Variants in CDK14 observed in about 807,000 individuals in gnomAD.
The protein encoded by CDK14 is cyclin-dependent kinase 14.
A neutral mutation model predicts 60.7 loss-of-function variants in CDK14; 34 were observed. The observed-to-expected ratio is 0.56, with a 90% confidence interval of 0.43 to 0.75. The LOEUF (loss-of-function observed/expected upper bound fraction) is 0.75. Ranked by LOEUF, CDK14 falls within the 30% of genes least tolerant of loss-of-function variation. The pLI, the probability that CDK14 is intolerant of heterozygous loss-of-function variation, is 0.00. For synonymous variants in CDK14, 197 were observed against 203.7 expected, an observed-to-expected ratio of 0.97 and a Z score of 0.28; for missense variants, 482 against 564.1, an observed-to-expected ratio of 0.85 and a Z score of 1.47.
chr7:90,904,098 A>G (rs564507669), intron 7 of CDK14, among the ~76,000 whole-genome samples: 2 of 152,016 alleles, frequency 1.3e-5, no homozygotes, highest in Non-Finnish European at 2.9e-5. Context: ...GTGGGTGGTG[A>G]CCCAGAATAA....
chr7:91,018,265 A>G (rs544599191), intron 10 of CDK14, among the ~76,000 whole-genome samples: 6 of 152,264 alleles, frequency 3.9e-5, no homozygotes, highest in Admixed American at 3.3e-4. Context: ...CATACAATGA[A>G]CTTCACTTCC....
rs560831223 is a variant in CDK14 at position 91,080,295 on chromosome 7, CA to C, written c.1154+821del. Reference sequence around the variant, plus strand: ...ATACTCCCAGTTATGAAAAAAATAACAAAAAACTTTTTCATATTAAAATGCT... The same window carrying C: ...ATACTCCCAGTTATGAAAAAAATAACAAAAACTTTTTCATATTAAAATGCT... On this transcript the variant is annotated intron_variant, in intron 12 of 14. Transcript: ENST00000380050. 1.9e-3 allele frequency among the ~76,000 whole-genome samples: 284 copies of C among 152,158 alleles called. 3 individuals are homozygous for C. The highest frequency in any genetic ancestry group is 8.5e-3 in the South Asian group (41 of 4,816).
chr7:90,845,439 C>T (rs1790435106), intron 5 of CDK14, among the ~76,000 whole-genome samples: 3 of 151,278 alleles, frequency 2.0e-5, no homozygotes, highest in Middle Eastern at 3.5e-3. Flanking sequence ...AAATTTAAAT[C>T]AGAAAATTGA....
intron 2 of CDK14, among the ~76,000 whole-genome samples, chr7:90,614,301 G>A (rs1401119467): frequency 2.0e-5 from 3 of 152,056 alleles, no homozygotes; most frequent in Non-Finnish European, 4.4e-5. Flanking sequence ...CACCGTCCCC[G>A]GCCTAGTTCC....
intron 8 of CDK14, among the ~76,000 whole-genome samples, chr7:90,936,584 A>G (rs1326627948): frequency 6.6e-6 from 1 of 152,162 alleles, no homozygotes; most frequent in East Asian, 1.9e-4. Flanking sequence ...GGGTTTGTTC[A>G]GCCTTGTTAA....
intron 10 of CDK14, among the ~76,000 whole-genome samples, chr7:91,030,177 A>G (rs958116189): frequency 1.3e-5 from 2 of 152,274 alleles, no homozygotes; most frequent in African/African-American, 4.8e-5. Flanking sequence ...TGCAAAAACT[A>G]TAACAAAATA....
At chr7:90,759,016 A>G (rs536942570) in intron 4 of CDK14, among the ~76,000 whole-genome samples, 108 of 149,056 alleles carry the variant, frequency 7.2e-4, no homozygotes, top group Non-Finnish European at 1.3e-3. Context: ...AGATTGCACT[A>G]TTGCACTCCA....
intron 9 of CDK14, among the ~76,000 whole-genome samples, chr7:90,975,072 AT>A (rs1442550140): frequency 6.6e-6 from 1 of 152,208 alleles, no homozygotes; most frequent in Non-Finnish European, 1.5e-5. Context: ...TGTAGAAAGT[AT>A]CATGGAGAGC....
At chr7:90,887,880 A>G (rs1421903369) in intron 6 of CDK14, among the ~76,000 whole-genome samples, 1 of 152,228 alleles carries the variant, frequency 6.6e-6, no homozygotes, top group African/African-American at 2.4e-5. Flanking sequence ...AGTCATAAGT[A>G]AACTCCTAAA....
chr7:90,783,857 A>C (rs1805453020), intron 4 of CDK14, among the ~76,000 whole-genome samples: 1 of 152,158 alleles, frequency 6.6e-6, no homozygotes, highest in Admixed American at 6.6e-5. Flanking sequence ...GCTGCTATAG[A>C]GAATACTGTG....
At chr7:90,666,176 G>A (rs1364812175) in intron 2 of CDK14, among the ~76,000 whole-genome samples, 1 of 152,114 alleles carries the variant, frequency 6.6e-6, no homozygotes, top group Non-Finnish European at 1.5e-5. Context: ...CCCTGTACCT[G>A]CTATTCTTAT....
chr7:91,134,141 CTT>C (rs2116434989), intron 14 of CDK14, among the ~76,000 whole-genome samples: 1 of 152,160 alleles, frequency 6.6e-6, no homozygotes, highest in East Asian at 1.9e-4. Context: ...GGCATTGAGT[CTT>C]TTTAATGAAA....
At chr7:90,972,062 A>C (rs1794948660) in intron 9 of CDK14, among the ~76,000 whole-genome samples, 1 of 152,166 alleles carries the variant, frequency 6.6e-6, no homozygotes, top group Non-Finnish European at 1.5e-5. Flanking sequence ...AACTTCTTAG[A>C]GATATAATTT....
At chr7:90,796,845 C>T (rs901311414) in intron 5 of CDK14, among the ~76,000 whole-genome samples, 15 of 151,768 alleles carry the variant, frequency 9.9e-5, no homozygotes, top group Non-Finnish European at 1.9e-4. Flanking sequence ...GTACCATGGT[C>T]GTTAAGAAGT....
chr7:90,674,484 G>A (rs905516434), intron 2 of CDK14, among the ~76,000 whole-genome samples: 1 of 152,194 alleles, frequency 6.6e-6, no homozygotes, highest in Admixed American at 6.5e-5. Context: ...AATTTCTGCA[G>A]ATGTAGATAT....
chr7:90,821,775 A>G (rs1249699038), intron 5 of CDK14, among the ~76,000 whole-genome samples: 1 of 152,172 alleles, frequency 6.6e-6, no homozygotes, highest in African/African-American at 2.4e-5. Context: ...CCGGGGTCCC[A>G]TCATTATCTG....
chr7:90,835,227 A>C (rs1020271605), intron 5 of CDK14, among the ~76,000 whole-genome samples: 3 of 152,182 alleles, frequency 2.0e-5, no homozygotes, highest in African/African-American at 7.2e-5. Flanking sequence ...GGGAGGTGAT[A>C]GAGGAATTTG....
intron 4 of CDK14, among the ~76,000 whole-genome samples, chr7:90,781,772 C>T (rs1231320095): frequency 4.6e-5 from 7 of 151,682 alleles, no homozygotes; most frequent in Non-Finnish European, 8.8e-5. Flanking sequence ...TTCCATTGAT[C>T]TATATCTCTG....
chr7:90,616,223 A>G (rs901285262), intron 2 of CDK14, among the ~76,000 whole-genome samples: 10 of 152,172 alleles, frequency 6.6e-5, no homozygotes, highest in African/African-American at 1.4e-4. Flanking sequence ...TGGATAAGTA[A>G]GCATTATTTT....
Sources: gnomAD v4.1 joint callset for allele counts (sites outside exome capture counted in the v4.1 genomes callset) on GRCh38, gnomAD v4.1.1 for gene constraint, MANE v1.5 for transcripts, NCBI Gene and HGNC (gene_info 2026-07-23, HGNC 2026-07-21) for gene names.